The following BNC2 variants were observed in gnomAD, a reference collection of about 807,000 sequenced individuals.
The protein encoded by BNC2 is basonuclin zinc finger protein 2, also known as zinc finger protein basonuclin-2.
In BNC2, 20 loss-of-function variants were observed where a neutral mutation model predicts 76.3. That is an observed-to-expected ratio of 0.26 (90% CI 0.18 to 0.38). BNC2 has a LOEUF of 0.38. Among genes scored for constraint, BNC2 ranks in the 10% least tolerant of loss-of-function variants. BNC2 has a pLI of 1.00. For synonymous variants in BNC2, 582 were observed against 514.8 expected, an observed-to-expected ratio of 1.13 and a Z score of -1.77; for missense variants, 1,382 against 1,399.8, an observed-to-expected ratio of 0.99 and a Z score of 0.20.
At position 16,552,617 on chromosome 9, in the gene BNC2, G is replaced by C. The variant is rs1325251267; in HGVS notation, c.582C>G (p.Phe194Leu). 6.2e-7 allele frequency: 1 copy of C among 1,614,100 alleles called. No individual in the cohort carries two copies. The highest frequency in any genetic ancestry group is 1.3e-5 in the African/African-American group (1 of 74,934). ...VRLKILLDRL[F>L]SVLKQEEVLH... ...GTACCTCCTCTTGCTTCAGGACGCTGAAGAGACGGTCCAGCAGGATCTTTA... is the reference window on the plus strand; with the variant it reads ...GTACCTCCTCTTGCTTCAGGACGCTCAAGAGACGGTCCAGCAGGATCTTTA... The change falls in exon 5 of 7, where the codon TTC becomes TTG. Residue 194 changes from phenylalanine to leucine, a missense_variant. Phe to Leu is a conservative substitution (Grantham distance 22). This residue lies in a region of BNC2 where 557 missense variants were observed against 540.9 expected (regional missense o/e 1.03). Transcript: ENST00000380672.
rs535001346 is a variant in BNC2, at chr9:16,694,845, T to C, written c.330+32952A>G. ...AAAAAGAGAAAAATGTGCAAACGCA[T>C]ACAAAGTTGATTTCTAAGGGATACC... is the stretch of plus-strand genomic sequence containing the variant. On this transcript the variant is annotated intron_variant, in intron 3 of 6. Coordinates refer to ENST00000380672, the MANE Select transcript of BNC2 (RefSeq NM_017637.6). Among the ~76,000 whole-genome samples the C allele has an allele frequency of 9.4e-4, 143 of 152,208 alleles. 1 individual carries two copies. The highest frequency in any genetic ancestry group is 3.1e-3 in the African/African-American group (130 of 41,542).
chr9:16,517,217 G>C (rs1453200274), intron 5 of BNC2, among the ~76,000 whole-genome samples: 1 of 152,130 alleles, frequency 6.6e-6, no homozygotes, highest in Non-Finnish European at 1.5e-5. Context: ...AGTTGGAGGA[G>C]GGCAACTTGG....
chr9:16,746,322 C>T (rs1175060883), intron 1 of BNC2, among the ~76,000 whole-genome samples: 2 of 152,042 alleles, frequency 1.3e-5, no homozygotes, highest in Non-Finnish European at 2.9e-5. Context: ...TCAGAGCCCC[C>T]CACATTTAAC....
At chr9:16,634,930 C>T (rs1821279323) in intron 3 of BNC2, among the ~76,000 whole-genome samples, 1 of 151,992 alleles carries the variant, frequency 6.6e-6, no homozygotes, top group Admixed American at 6.6e-5. Flanking sequence ...CAGCAATTTC[C>T]TTACATATTC....
At chr9:16,618,442 C>T (rs572085063) in intron 3 of BNC2, among the ~76,000 whole-genome samples, 1 of 152,250 alleles carries the variant, frequency 6.6e-6, no homozygotes, top group East Asian at 1.9e-4. Context: ...AAAGCTATAT[C>T]GAGCATGGCC....
chr9:16,797,526 T>C (rs971055797), intron 1 of BNC2, among the ~76,000 whole-genome samples: 5 of 152,178 alleles, frequency 3.3e-5, no homozygotes, highest in African/African-American at 1.2e-4. Context: ...ATGAGCTAGC[T>C]TTTAAAATGA....
intron 5 of BNC2, among the ~76,000 whole-genome samples, chr9:16,448,579 A>AGGATGTGAGGG (rs1433304598): frequency 6.6e-5 from 10 of 152,286 alleles, no homozygotes; most frequent in Middle Eastern, 3.4e-3. Flanking sequence ...CATATTCATT[A>AGGATGTGAGGG]GGATGTGAGG....
intron 5 of BNC2, among the ~76,000 whole-genome samples, chr9:16,486,908 G>A (rs968326012): frequency 6.6e-6 from 1 of 152,016 alleles, no homozygotes; most frequent in Admixed American, 6.6e-5. Context: ...TAGAGATAAC[G>A]TCTCGCTATG....
At chr9:16,842,201 A>G (rs903897621) in intron 1 of BNC2, among the ~76,000 whole-genome samples, 6 of 152,172 alleles carry the variant, frequency 3.9e-5, no homozygotes, top group African/African-American at 1.4e-4. Flanking sequence ...TATGATTTTT[A>G]GTATCTTGCA....
chr9:16,584,354 G>A (rs923251169), intron 3 of BNC2, among the ~76,000 whole-genome samples: 1 of 152,140 alleles, frequency 6.6e-6, no homozygotes, highest in African/African-American at 2.4e-5. Flanking sequence ...TAACATGACT[G>A]GGACAAATTC....
At chr9:16,485,824 A>C (rs1822153314) in intron 5 of BNC2, among the ~76,000 whole-genome samples, 1 of 152,156 alleles carries the variant, frequency 6.6e-6, no homozygotes, top group Non-Finnish European at 1.5e-5. Flanking sequence ...GAAAAGAGAA[A>C]AAGAAAAAAG....
chr9:16,639,727 G>C (rs927752958), intron 3 of BNC2, among the ~76,000 whole-genome samples: 1 of 151,970 alleles, frequency 6.6e-6, no homozygotes, highest in East Asian at 1.9e-4. Flanking sequence ...GACCAGCCTC[G>C]GCAACACAGC....
intron 4 of BNC2, among the ~76,000 whole-genome samples, chr9:16,563,840 G>A (rs1031262888): frequency 1.3e-5 from 2 of 152,128 alleles, no homozygotes; most frequent in South Asian, 2.1e-4. Context: ...CTATTTCACC[G>A]GCAGATACTT....
At chr9:16,869,304 A>C (rs1819618201) in intron 1 of BNC2, among the ~76,000 whole-genome samples, 1 of 152,176 alleles carries the variant, frequency 6.6e-6, no homozygotes, top group African/African-American at 2.4e-5. Context: ...TCAGTTTTAC[A>C]ACAGCTTGAC....
intron 5 of BNC2, among the ~76,000 whole-genome samples, chr9:16,484,997 C>T (rs1238996031): frequency 6.6e-6 from 1 of 152,122 alleles, no homozygotes; most frequent in Non-Finnish European, 1.5e-5. Context: ...GTTATAATTA[C>T]AACCACTGTA....
At chr9:16,595,107 T>C (rs988896508) in intron 3 of BNC2, among the ~76,000 whole-genome samples, 6 of 152,140 alleles carry the variant, frequency 3.9e-5, no homozygotes, top group African/African-American at 1.4e-4. Flanking sequence ...TATATGGTTA[T>C]ATTAAGAAAT....
chr9:16,513,259 G>C (rs1215138797), intron 5 of BNC2, among the ~76,000 whole-genome samples: 3 of 149,358 alleles, frequency 2.0e-5, no homozygotes, highest in African/African-American at 7.4e-5. Context: ...AAAGTAAATA[G>C]CTTTTATGAA....
chr9:16,719,025 C>T (rs1159648878), intron 3 of BNC2, among the ~76,000 whole-genome samples: 1 of 152,016 alleles, frequency 6.6e-6, no homozygotes, highest in Admixed American at 6.6e-5. Context: ...AATATTTATA[C>T]CTAAAAAAGA....
intron 5 of BNC2, among the ~76,000 whole-genome samples, chr9:16,482,225 AAC>A (rs1217055519): frequency 6.6e-6 from 1 of 152,232 alleles, no homozygotes; most frequent in Non-Finnish European, 1.5e-5. Context: ...ATCTTGGCCA[AAC>A]ACAGTCTTCC....
Sources: allele counts gnomAD v4.1 joint callset (sites outside exome capture counted in the v4.1 genomes callset), GRCh38; gene constraint gnomAD v4.1.1; regional missense constraint gnomAD v4.1.1; transcripts MANE v1.5; gene names NCBI Gene and HGNC (gene_info 2026-07-23, HGNC 2026-07-21).